The following NFU1 variants were observed in gnomAD, a reference collection of about 807,000 sequenced individuals.
NFU1 encodes NFU1 iron-sulfur cluster scaffold.
Under a neutral mutation model 32.2 loss-of-function variants are expected in NFU1, and 30 were observed. The ratio of observed to expected loss-of-function variants is 0.93; its 90% confidence interval spans 0.70 to 1.26. The LOEUF is 1.26. Ranked by LOEUF, NFU1 falls within the 50% of genes most tolerant of loss-of-function variation. NFU1 has a pLI of 0.00. For missense variants in NFU1, 306 were observed against 306.6 expected, an observed-to-expected ratio of 1.00 and a Z score of 0.02; for synonymous variants, 112 against 104.6, an observed-to-expected ratio of 1.07 and a Z score of -0.43.
At chr2:69,421,486 T>A (rs556025440) in intron 3 of NFU1, among the ~76,000 whole-genome samples, 1 of 151,266 alleles carries the variant, frequency 6.6e-6, no homozygotes, top group South Asian at 2.1e-4. Flanking sequence ...TGACTGACTC[T>A]ACTGACTAAT....
intron 5 of NFU1, among the ~76,000 whole-genome samples, chr2:69,408,861 CTTTTT>C (rs1173785443): frequency 1.8e-4 from 12 of 67,760 alleles, no homozygotes; most frequent in Non-Finnish European, 2.7e-4. Flanking sequence ...CAGGCTTGTG[CTTTTT>C]TTTTTTTTTT....
intron 2 of NFU1, among the ~76,000 whole-genome samples, chr2:69,427,250 T>C (rs1673490690): frequency 6.6e-6 from 1 of 150,946 alleles, no homozygotes; most frequent in African/African-American, 2.4e-5. Context: ...CCGGGCGTGG[T>C]GGCAGGCGCC....
chr2:69,403,843 CT>C (rs202018311), intron 6 of NFU1, among the ~76,000 whole-genome samples: 1,997 of 144,376 alleles, frequency 0.014, 27 homozygotes, highest in African/African-American at 0.041. Flanking sequence ...TCCAGGGTTA[CT>C]TTTTTTTTTT....
chr2:69,414,604 TGA>T (rs1172337143), intron 5 of NFU1, among the ~76,000 whole-genome samples: 1 of 115,782 alleles, frequency 8.6e-6, no homozygotes, highest in African/African-American at 3.6e-5. Flanking sequence ...GGTGACAGAG[TGA>T]GAGTCTGTCT....
At chr2:69,423,466 C>G in intron 3 of NFU1, 116 bp downstream of exon 3, 2 of 927,980 alleles carry the variant, frequency 2.2e-6, no homozygotes, top group Non-Finnish European at 3.2e-6. Context: ...ATTTTCTACA[C>G]TTAAAAAAAA....
intron 3 of NFU1, among the ~76,000 whole-genome samples, chr2:69,423,154 GTGTGTGTGTGTGTA>G (rs1405971163): frequency 4.0e-5 from 4 of 100,358 alleles, no homozygotes; most frequent in Admixed American, 1.9e-4. Context: ...ATTTGTGTGT[GTGTGTGTGTGTGTA>G]TGTGTGTGTG....
At chr2:69,413,007 G>C (rs1359876578) in intron 5 of NFU1, among the ~76,000 whole-genome samples, 11 of 151,976 alleles carry the variant, frequency 7.2e-5, no homozygotes, top group Admixed American at 7.2e-4. Flanking sequence ...ATTAAAACAA[G>C]ATACCGGCCA....
chr2:69,409,773 CT>C (rs1287969057), intron 5 of NFU1, among the ~76,000 whole-genome samples: 1 of 152,148 alleles, frequency 6.6e-6, no homozygotes, highest in African/African-American at 2.4e-5. Context: ...CTCCCCTCCC[CT>C]CATACCTCCG....
Position 69,400,385 on chromosome 2 carries a change from CG to C in NFU1, c.698del (p.Pro233ArgfsTer3). The stretch of plus-strand genomic sequence containing the variant: ...ATACCTGTTCTACGCCTTCTACCTC[CG>C]GAATATAAAACTGCAGCATGTTCTG... Reference protein sequence around the residue: ...GIQNMLQFYIPEVEGVEQVMD... With the variant: ...GIQNMLQFYIXEVEGVEQVMD... On this transcript the variant is annotated frameshift_variant, in exon 7 of 8. Transcript: ENST00000410022. LOFTEE classifies it high-confidence loss of function. The C allele has an allele frequency of 6.2e-7, 1 of 1,614,032 alleles. No individual in the cohort carries two copies. Among genetic ancestry groups the C allele is most frequent in the Non-Finnish European group, 8.5e-7 (1 of 1,179,948 alleles).
chr2:69,423,112 G>A (rs535907362), intron 3 of NFU1, among the ~76,000 whole-genome samples: 1 of 135,390 alleles, frequency 7.4e-6, no homozygotes, highest in African/African-American at 2.7e-5. Flanking sequence ...GAGTAGCTGA[G>A]ACCAGAGGTA....
chr2:69,427,428 T>A (rs1673497258), intron 2 of NFU1, among the ~76,000 whole-genome samples: 1 of 151,204 alleles, frequency 6.6e-6, no homozygotes, highest in Non-Finnish European at 1.5e-5. Context: ...ACGCCTGTAA[T>A]CTCAGCACTT....
chr2:69,437,487 G>C, upstream of NFU1: 2 of 1,568,850 alleles, frequency 1.3e-6, no homozygotes, highest in Non-Finnish European at 1.7e-6. Context: ...GCCGCAGGCT[G>C]GCCGGTAGCT....
intron 1 of NFU1, among the ~76,000 whole-genome samples, chr2:69,433,150 C>CA (rs762607918): frequency 0.55 from 53,806 of 98,236 alleles, 14,601 homozygotes; most frequent in South Asian, 0.63. Flanking sequence ...ACTCCATCTC[C>CA]AAAAAAAAAA....
chr2:69,409,103 A>G (rs1672798755), intron 5 of NFU1, among the ~76,000 whole-genome samples: 1 of 151,872 alleles, frequency 6.6e-6, no homozygotes, highest in African/African-American at 2.4e-5. Flanking sequence ...CGGCCTCCCA[A>G]AGTGCTGGGA....
At chr2:69,424,937 C>T (rs1184806145) in intron 2 of NFU1, among the ~76,000 whole-genome samples, 3 of 143,090 alleles carry the variant, frequency 2.1e-5, no homozygotes, top group East Asian at 2.0e-4. Context: ...AGTGCAGTGG[C>T]GCCATCTCTG....
chr2:69,414,015 C>A lies in NFU1; in HGVS notation c.484+1170G>T, dbSNP rs569742958. Among the ~76,000 whole-genome samples the A allele has an allele frequency of 5.9e-5, 9 of 152,118 alleles. No homozygotes were observed. The South Asian group carries it at 1.9e-3, about 32-fold the overall frequency. ...TGAGCCGAGATCACGCCACTGCACT[C>A]CAGCCTGGGCAACAGAGCAAGACTC... On this transcript the variant is annotated intron_variant, in intron 5 of 7. Coordinates refer to ENST00000410022, the MANE Select transcript of NFU1 (RefSeq NM_001002755.4).
At chr2:69,439,131 G>A (rs1024563383), upstream of NFU1, among the ~76,000 whole-genome samples, 4 of 151,950 alleles carry the variant, frequency 2.6e-5, no homozygotes, top group South Asian at 2.1e-4. Context: ...TTAAAAAAAT[G>A]GTCTGCACTC....
chr2:69,396,428 C>T (rs958384651), intron 7 of NFU1, 138 bp from the exon 8 acceptor site: 48 of 613,948 alleles, frequency 7.8e-5, no homozygotes, highest in Non-Finnish European at 1.2e-4. Context: ...AATCTATCAA[C>T]AGCCCCAAAG....
rs1672480481 is a variant in NFU1 at position 69,400,351 on chromosome 2, A to C, written c.720+13T>G. ...ATGAAAAAAATCTAGACTGTCATAT[A>C]ATATTGGCATACCTGTTCTACGCCT... On this transcript the variant is annotated intron_variant, in intron 7 of 7. Transcript: ENST00000410022. 6.2e-7 allele frequency: 1 copy of C among 1,609,900 alleles called. No homozygotes were observed. The highest frequency in any genetic ancestry group is 1.1e-5 in the South Asian group (1 of 90,998).
Sources: allele counts gnomAD v4.1 joint callset (sites outside exome capture counted in the v4.1 genomes callset), GRCh38; gene constraint gnomAD v4.1.1; transcripts MANE v1.5; gene names NCBI Gene and HGNC (gene_info 2026-07-23, HGNC 2026-07-21).